Variants in CLDN14 observed in about 807,000 individuals in gnomAD.
The protein encoded by CLDN14 is claudin 14, also known as claudin-14.
Under a neutral mutation model 2.1 loss-of-function variants are expected in CLDN14, and 2 were observed. The ratio of observed to expected loss-of-function variants is 0.96; its 90% confidence interval spans 0.39 to 3.01. The LOEUF is 3.01. CLDN14 is among the 30% of genes most tolerant of loss of function. The pLI is 0.09. For missense variants in CLDN14, 298 were observed against 328.0 expected, an observed-to-expected ratio of 0.91 and a Z score of 0.71; for synonymous variants, 136 against 154.4, an observed-to-expected ratio of 0.88 and a Z score of 0.88.
At chr21:36,464,835 G>C (rs866154947) in intron 1 of CLDN14, among the ~76,000 whole-genome samples, 2 of 152,328 alleles carry the variant, frequency 1.3e-5, no homozygotes, top group Middle Eastern at 6.8e-3. Context: ...TCTGTGCCTG[G>C]CCTGGCTAGT....
At chr21:36,490,048 G>A (rs982738212) in intron 2 of CLDN14, among the ~76,000 whole-genome samples, 1 of 152,214 alleles carries the variant, frequency 6.6e-6, no homozygotes, top group Non-Finnish European at 1.5e-5. Context: ...GGATCAGGAT[G>A]ACTTTGCTGC....
chr21:36,481,853 T>C (rs2086847481), upstream of CLDN14, among the ~76,000 whole-genome samples: 1 of 152,192 alleles, frequency 6.6e-6, no homozygotes, highest in Admixed American at 6.5e-5. Context: ...GTTCATCAAA[T>C]AGTTATTGGA....
chr21:36,570,033 T>A (rs2087698484), intron 1 of CLDN14, among the ~76,000 whole-genome samples: 1 of 152,236 alleles, frequency 6.6e-6, no homozygotes. Flanking sequence ...ACACTTTTTA[T>A]GGAGACACGA....
intron 1 of CLDN14, among the ~76,000 whole-genome samples, chr21:36,467,097 A>G (rs1474611842): frequency 1.3e-5 from 2 of 152,166 alleles, no homozygotes; most frequent in African/African-American, 4.8e-5. Flanking sequence ...GGCCCTTCCA[A>G]CTGGCTCTGG....
Position 36,486,529 on chromosome 21 carries a change from C to T in CLDN14, c.-82+23834G>A, listed in dbSNP as rs561691498. On this transcript the variant is annotated intron_variant, in intron 2 of 2. Coordinates refer to the CLDN14 transcript ENST00000342108. ...CGAGACCCAGCATGGCACCCCCTTC[C>T]CCAGCCAAAATCGGAGAACTGATGA... 11 of 1,565,010 alleles carry T rather than the reference C, an allele frequency of 7.0e-6. No individual in the cohort carries two copies. In the African/African-American group the frequency reaches 1.4e-4, roughly 19 times the overall value.
chr21:36,462,828 G>C (rs1279878670), intron 1 of CLDN14, among the ~76,000 whole-genome samples: 1 of 151,980 alleles, frequency 6.6e-6, no homozygotes, highest in East Asian at 1.9e-4. Flanking sequence ...TGAGGCAGGA[G>C]AATCGCTTGA....
chr21:36,523,191 A>G (rs571607056), intron 1 of CLDN14, among the ~76,000 whole-genome samples: 2 of 152,350 alleles, frequency 1.3e-5, no homozygotes, highest in African/African-American at 4.8e-5. Context: ...TGCAGAGCAC[A>G]CAGATGGCTT....
rs1345253813 is a variant in CLDN14, at chr21:36,546,514, G to A, written c.-220+29897C>T. ...ATCCACCCCTAGCAAAAATGTGCAC[G>A]GTCTCAGCACAGGTAATTTTTGTTT... On this transcript the variant is annotated intron_variant, in intron 1 of 2. Transcript: ENST00000342108. Among the ~76,000 whole-genome samples, 9 of 152,050 alleles carry A rather than the reference G, an allele frequency of 5.9e-5. No individual in the cohort carries two copies. The South Asian group carries it at 6.2e-4, about 11-fold the overall frequency.
rs546872916 is a variant in CLDN14, at chr21:36,486,315, A to G, written c.-82+24048T>C. 4.7e-5 allele frequency: 38 copies of G among 809,216 alleles called. No homozygotes were observed. In the East Asian group the frequency reaches 8.8e-4, roughly 19 times the overall value. The allele number at this position is 809,216 out of a possible 1,614,324, so 50.1% of individuals were successfully genotyped here. On this transcript the variant is annotated intron_variant, in intron 2 of 2. Transcript: ENST00000342108. ...GCCAAACTCTTGTTGGCTAATGGTC[A>G]TCTTCAGCAGGACCTCGTCTGAGCC...
intron 1 of CLDN14, among the ~76,000 whole-genome samples, chr21:36,543,038 G>T (rs371772593): frequency 6.6e-6 from 1 of 152,310 alleles, no homozygotes; most frequent in African/African-American, 2.4e-5. Flanking sequence ...GAGCACAAGG[G>T]TCTCCCTTCC....
chr21:36,516,394 A>T (rs914689687), intron 1 of CLDN14, among the ~76,000 whole-genome samples: 3 of 152,142 alleles, frequency 2.0e-5, no homozygotes, highest in African/African-American at 7.2e-5. Context: ...TAAGAATACA[A>T]GCGACCGTTA....
At chr21:36,513,886 C>T (rs186150994) in intron 1 of CLDN14, among the ~76,000 whole-genome samples, 1 of 152,252 alleles carries the variant, frequency 6.6e-6, no homozygotes, top group Non-Finnish European at 1.5e-5. Context: ...GGCTGGGGTG[C>T]AGTGGCACGA....
intron 1 of CLDN14, among the ~76,000 whole-genome samples, chr21:36,519,754 A>G (rs566123015): frequency 6.6e-6 from 1 of 151,970 alleles, no homozygotes; most frequent in Non-Finnish European, 1.5e-5. Flanking sequence ...AAACAAAAAA[A>G]CCCACAACCT....
intron 1 of CLDN14, among the ~76,000 whole-genome samples, chr21:36,476,896 A>C (rs933770367): frequency 6.6e-5 from 10 of 152,266 alleles, no homozygotes; most frequent in Non-Finnish European, 1.3e-4. Context: ...GTCAGGTATG[A>C]GATTTCAGAT....
rs219779 is a variant in CLDN14 at position 36,461,453 on chromosome 21, G to A, written c.243C>T (p.Arg81=). The A allele has an allele frequency of 0.24, 392,133 of 1,613,114 alleles. 50,317 individuals carry two copies. Among genetic ancestry groups the A allele is most frequent in the African/African-American group, 0.31 (23,244 of 74,998 alleles). ...LALPQDLQAA[R]ALMVISCLLS... ...GCAGGCAGGAGATGACCATGAGGGC[G>A]CGGGCAGCCTGGAGGTCTTGGGGCA... Residue 81 remains arginine (R), a synonymous_variant, in exon 2 of 2, where the codon CGC becomes CGT. Coordinates refer to ENST00000399135, the MANE Select transcript of CLDN14 (RefSeq NM_001146079.2).
intron 2 of CLDN14, among the ~76,000 whole-genome samples, chr21:36,502,225 T>A (rs1304915237): frequency 6.6e-6 from 1 of 152,228 alleles, no homozygotes; most frequent in Non-Finnish European, 1.5e-5. Flanking sequence ...ACAGATTTGA[T>A]GAGTTTAATA....
rs866759820 is a variant in CLDN14 at position 36,563,689 on chromosome 21, C to T, written c.-220+12722G>A. Among the ~76,000 whole-genome samples, 6 of 152,170 alleles carry T rather than the reference C, an allele frequency of 3.9e-5. No homozygotes were observed. In the East Asian group the frequency reaches 5.8e-4, roughly 15 times the overall value. ...GAAAATGTTGGCTCCCATGGAGGTT[C>T]GGAGACTGTGGGAAGAGACCTCATG... On this transcript the variant is annotated intron_variant, in intron 1 of 2. Coordinates refer to the CLDN14 transcript ENST00000342108.
intron 1 of CLDN14, among the ~76,000 whole-genome samples, chr21:36,567,628 G>A (rs2087682748): frequency 6.6e-6 from 1 of 152,156 alleles, no homozygotes; most frequent in Non-Finnish European, 1.5e-5. Context: ...TTTGTAAACT[G>A]AGAACAGTTT....
intron 1 of CLDN14, among the ~76,000 whole-genome samples, chr21:36,537,557 T>C (rs1167318756): frequency 6.6e-6 from 1 of 152,208 alleles, no homozygotes; most frequent in African/African-American, 2.4e-5. Context: ...CATAGGAGAA[T>C]GTCCTTGGTA....
Sources: allele counts gnomAD v4.1 joint callset (sites outside exome capture counted in the v4.1 genomes callset), GRCh38; gene constraint gnomAD v4.1.1; transcripts MANE v1.5; gene names NCBI Gene and HGNC (gene_info 2026-07-23, HGNC 2026-07-21).